The following GPR39 variants were observed in gnomAD, a reference collection of about 807,000 sequenced individuals.
GPR39 encodes G protein-coupled receptor 39, also known as zinc sensing receptor.
In GPR39, 23 loss-of-function variants were observed where a neutral mutation model predicts 18.4. The observed-to-expected ratio is 1.25, with a 90% CI of 0.90 to 1.77. The LOEUF is 1.77. Among genes scored for constraint, GPR39 ranks in the 40% most tolerant of loss-of-function variants. The pLI is 0.00. For synonymous variants in GPR39, 280 were observed against 257.9 expected, an observed-to-expected ratio of 1.09 and a Z score of -0.82; for missense variants, 647 against 602.4, an observed-to-expected ratio of 1.07 and a Z score of -0.78.
chr2:132,525,671 G>A (rs115199072), intron 1 of GPR39, among the ~76,000 whole-genome samples: 53 of 152,310 alleles, frequency 3.5e-4, no homozygotes, highest in African/African-American at 8.2e-4. Context: ...CCCTTTGGCC[G>A]TCAGACATAC....
At chr2:132,588,521 A>G (rs1378129970) in intron 1 of GPR39, among the ~76,000 whole-genome samples, 5 of 152,178 alleles carry the variant, frequency 3.3e-5, no homozygotes, top group Admixed American at 1.3e-4. Flanking sequence ...CTGGGAGCCT[A>G]GAATTATCTG....
chr2:132,450,069 C>G (rs1680605842), intron 1 of GPR39, among the ~76,000 whole-genome samples: 1 of 152,190 alleles, frequency 6.6e-6, no homozygotes, highest in South Asian at 2.1e-4. Context: ...GTGGAACCAT[C>G]AGGGTTTCCC....
intron 1 of GPR39, among the ~76,000 whole-genome samples, chr2:132,436,200 T>G (rs1680316440): frequency 6.6e-6 from 1 of 152,168 alleles, no homozygotes; most frequent in South Asian, 2.1e-4. Flanking sequence ...GGCGGGAGCT[T>G]TTGACAAATT....
At chr2:132,498,587 C>T (rs935631124) in intron 1 of GPR39, among the ~76,000 whole-genome samples, 3 of 152,258 alleles carry the variant, frequency 2.0e-5, no homozygotes, top group Middle Eastern at 3.4e-3. Context: ...TGGGGAGATA[C>T]ATAGTGGTGG....
chr2:132,537,964 C>A (rs1679788981), intron 1 of GPR39, among the ~76,000 whole-genome samples: 1 of 151,948 alleles, frequency 6.6e-6, no homozygotes, highest in South Asian at 2.1e-4. Context: ...TATTAAAATT[C>A]TTAGCTTCTT....
chr2:132,572,716 G>A (rs568435448), intron 1 of GPR39, among the ~76,000 whole-genome samples: 1 of 152,192 alleles, frequency 6.6e-6, no homozygotes, highest in Admixed American at 6.5e-5. Context: ...TCCCCCAAGT[G>A]GTAGCAACAA....
At chr2:132,588,249 A>G (rs1203785873) in intron 1 of GPR39, among the ~76,000 whole-genome samples, 1 of 152,152 alleles carries the variant, frequency 6.6e-6, no homozygotes, top group East Asian at 1.9e-4. Flanking sequence ...AGTGAGAGGG[A>G]GGTTCTCTTC....
intron 1 of GPR39, among the ~76,000 whole-genome samples, chr2:132,610,344 A>C (rs1447220439): frequency 6.6e-6 from 1 of 152,170 alleles, no homozygotes; most frequent in Non-Finnish European, 1.5e-5. Flanking sequence ...ATTAATTAAG[A>C]TGACACTAGC....
chr2:132,643,255 G>A (rs1214900026), intron 1 of GPR39, among the ~76,000 whole-genome samples: 2 of 152,118 alleles, frequency 1.3e-5, no homozygotes, highest in Non-Finnish European at 1.5e-5. Flanking sequence ...TTTACTGGAT[G>A]TTCTCAGGAT....
At chr2:132,552,864 A>G (rs1383602308) in intron 1 of GPR39, among the ~76,000 whole-genome samples, 2 of 144,364 alleles carry the variant, frequency 1.4e-5, no homozygotes, top group Non-Finnish European at 3.0e-5. Flanking sequence ...ATATATATAC[A>G]TATATATACA....
chr2:132,594,291 G>A (rs948137549), intron 1 of GPR39, among the ~76,000 whole-genome samples: 5 of 152,182 alleles, frequency 3.3e-5, no homozygotes, highest in South Asian at 2.1e-4. Flanking sequence ...TGGACTTGAC[G>A]CTTTCCTGGG....
In GPR39 at chr2:132,535,888, A is replaced by G. The variant is rs780176108; in HGVS notation, c.857-109213A>G. Among the ~76,000 whole-genome samples, 3 of 148,028 alleles carry G rather than the reference A, an allele frequency of 2.0e-5. No homozygotes were observed. In the South Asian group the frequency reaches 6.5e-4, roughly 32 times the overall value. ...ATGGTATTCTCTGCTGGTAGTTTGTATTTCTGTGGGGTCAGTGGTGCTATC... is the reference window on the plus strand; with the variant it reads ...ATGGTATTCTCTGCTGGTAGTTTGTGTTTCTGTGGGGTCAGTGGTGCTATC... On this transcript the variant is annotated intron_variant, in intron 1 of 1. Coordinates refer to ENST00000329321, the MANE Select transcript of GPR39 (RefSeq NM_001508.3).
intron 1 of GPR39, among the ~76,000 whole-genome samples, chr2:132,470,060 T>A (rs937815446): frequency 6.6e-6 from 1 of 152,196 alleles, no homozygotes; most frequent in Non-Finnish European, 1.5e-5. Flanking sequence ...GACGGTGTGA[T>A]GTCTTAGGAC....
intron 1 of GPR39, among the ~76,000 whole-genome samples, chr2:132,629,841 A>G (rs1681617010): frequency 6.6e-6 from 1 of 152,214 alleles, no homozygotes; most frequent in African/African-American, 2.4e-5. Flanking sequence ...CATGGTAAAC[A>G]TGGAAACATA....
chr2:132,490,347 C>G (rs1681432647), intron 1 of GPR39, among the ~76,000 whole-genome samples: 1 of 151,828 alleles, frequency 6.6e-6, no homozygotes, highest in South Asian at 2.1e-4. Context: ...CTAAAGAAAT[C>G]CAGTTTTCTT....
intron 1 of GPR39, among the ~76,000 whole-genome samples, chr2:132,616,339 A>G (rs1044470713): frequency 1.3e-5 from 2 of 152,130 alleles, no homozygotes; most frequent in South Asian, 4.1e-4. Flanking sequence ...ACTCCCCAGC[A>G]TCCTATATTC....
At chr2:132,628,059 T>C (rs1051719736) in intron 1 of GPR39, among the ~76,000 whole-genome samples, 30 of 152,194 alleles carry the variant, frequency 2.0e-4, no homozygotes, top group Non-Finnish European at 1.9e-4. Flanking sequence ...CACCCCCATG[T>C]TGGTTTCCTC....
At position 132,532,833 on chromosome 2, in the gene GPR39, A is replaced by T. The variant is rs557419977; in HGVS notation, c.857-112268A>T. The stretch of plus-strand genomic sequence containing the variant: ...AAAACCCTCAATAAATTAGGTATTG[A>T]TGGGACACATCTCAAAATAATAAGA... On this transcript the variant is annotated intron_variant, in intron 1 of 1. Transcript: ENST00000329321. Among the ~76,000 whole-genome samples, 25 of 152,362 alleles carry T rather than the reference A, an allele frequency of 1.6e-4. No homozygotes were observed. In the East Asian group the frequency reaches 4.8e-3, roughly 29 times the overall value.
chr2:132,534,869 T>C (rs1679721630), intron 1 of GPR39, among the ~76,000 whole-genome samples: 4 of 151,826 alleles, frequency 2.6e-5, no homozygotes, highest in Admixed American at 1.3e-4. Flanking sequence ...GGGTTAGCAT[T>C]AGGAGATATA....
Sources: allele counts gnomAD v4.1 joint callset (sites outside exome capture counted in the v4.1 genomes callset), GRCh38; gene constraint gnomAD v4.1.1; transcripts MANE v1.5; gene names NCBI Gene and HGNC (gene_info 2026-07-23, HGNC 2026-07-21).